The following BANP variants were observed in gnomAD, a reference collection of about 807,000 sequenced individuals.
BANP encodes the protein BTG3 associated nuclear protein, also known as protein BANP.
BANP carries 11 observed loss-of-function variants against 68.1 expected under a neutral mutation model. The ratio of observed to expected loss-of-function variants is 0.16; its 90% CI spans 0.10 to 0.27. The LOEUF (loss-of-function observed/expected upper bound fraction) is 0.27, where lower values mean the gene tolerates loss of function less well. BANP is among the 10% of genes least tolerant of loss of function. The probability of loss-of-function intolerance (pLI) is 1.00; values close to 1 mark genes in which losing one functional copy is unlikely to be tolerated. For synonymous variants in BANP, 329 were observed against 303.2 expected (o/e 1.09, Z -0.88); for missense variants, 504 against 722.7 (o/e 0.70, Z 3.47).
chr16:87,988,071 T>C (rs1386785929), intron 4 of BANP, among the ~76,000 whole-genome samples: 3 of 152,104 alleles, frequency 2.0e-5, no homozygotes, highest in Non-Finnish European at 2.9e-5. Flanking sequence ...AAATAACAGA[T>C]AAGAACATAA....
rs754411970 is a variant in BANP at position 88,072,176 on chromosome 16, G to C, written c.1485G>C (p.Gln495His). 6.2e-7 allele frequency: 1 copy of C among 1,611,344 alleles called. No individual in the cohort carries two copies. Among genetic ancestry groups the C allele is most frequent in the Non-Finnish European group, 8.5e-7 (1 of 1,179,688 alleles). The change falls in exon 13 of 14, where the codon CAG (glutamine) becomes CAC (histidine). Residue 495 changes from glutamine to histidine, a missense_variant. This residue lies in a region of BANP where 223 missense variants were observed against 246.2 expected (regional missense o/e 0.91). Coordinates refer to ENST00000682872, the MANE Select transcript of BANP (RefSeq NM_001386991.1). ...QGSDIQVQYV[Q>H]LAPVSDHTAG... ...GCGACATCCAGGTTCAGTACGTGCA[G>C]CTGGCGCCAGTGAGTGACCACACGG...
rs7198461 is a variant in BANP, at chr16:87,994,107, G to A, written c.362+9848G>A. On this transcript the variant is annotated intron_variant, in intron 4 of 13. Coordinates refer to ENST00000682872, the MANE Select transcript of BANP (RefSeq NM_001386991.1). The stretch of plus-strand genomic sequence containing the variant: ...TGGAGACCAGGATGCGGAGCGCGGC[G>A]GTGTGCTGCGGTGCACTGTGTCCTC... Among the ~76,000 whole-genome samples, 19 of 152,260 alleles carry A rather than the reference G, an allele frequency of 1.2e-4. No individual in the cohort carries two copies. In the East Asian group the frequency reaches 1.7e-3, roughly 14 times the overall value.
At chr16:87,987,588 A>G (rs12922853) in intron 4 of BANP, among the ~76,000 whole-genome samples, 3 of 151,602 alleles carry the variant, frequency 2.0e-5, no homozygotes, top group Non-Finnish European at 4.4e-5. Flanking sequence ...TTAGCTGGGC[A>G]CAGTGGCACC....
chr16:88,065,049 G>A (rs570539665), intron 11 of BANP, among the ~76,000 whole-genome samples: 1 of 152,218 alleles, frequency 6.6e-6, no homozygotes, highest in Non-Finnish European at 1.5e-5. Flanking sequence ...CAGGCCTTTT[G>A]TTTCTGTTGT....
intron 6 of BANP, among the ~76,000 whole-genome samples, chr16:88,011,167 G>A (rs1051241021): frequency 6.6e-6 from 1 of 152,168 alleles, no homozygotes; most frequent in African/African-American, 2.4e-5. Flanking sequence ...GCGTCTCAGC[G>A]GCTTGCGTTG....
At chr16:88,001,569 G>A (rs550954177) in intron 4 of BANP, among the ~76,000 whole-genome samples, 11 of 152,280 alleles carry the variant, frequency 7.2e-5, no homozygotes, top group Non-Finnish European at 1.0e-4. Flanking sequence ...GATTTAAATC[G>A]CGTTAGTTGA....
chr16:87,975,743 G>A (rs185039747), intron 2 of BANP, among the ~76,000 whole-genome samples: 6 of 150,144 alleles, frequency 4.0e-5, no homozygotes, highest in Admixed American at 4.0e-4. Flanking sequence ...CCCATGTTGT[G>A]TGTGTAATCC....
At chr16:88,019,404 G>C (rs2075363537) in intron 7 of BANP, among the ~76,000 whole-genome samples, 1 of 152,030 alleles carries the variant, frequency 6.6e-6, no homozygotes. Context: ...CCCCTGGCGG[G>C]AGGGTGTGGG....
At chr16:88,046,788 C>T (rs2082115191) in intron 11 of BANP, among the ~76,000 whole-genome samples, 2 of 151,960 alleles carry the variant, frequency 1.3e-5, no homozygotes, top group South Asian at 2.1e-4. Flanking sequence ...TCATGTTGGC[C>T]GGGCACGGTG....
chr16:88,017,793 CCTCA>C (rs766884096), intron 6 of BANP, among the ~76,000 whole-genome samples: 1 of 152,250 alleles, frequency 6.6e-6, no homozygotes, highest in African/African-American at 2.4e-5. Context: ...CTTGCTGTGG[CCTCA>C]CTGACAGTGC....
upstream of BANP, among the ~76,000 whole-genome samples, chr16:87,950,161 G>A (rs1489647971): frequency 6.6e-6 from 1 of 152,232 alleles, no homozygotes; most frequent in East Asian, 1.9e-4. Flanking sequence ...ACAGGCGTGA[G>A]CCGCCGCGCC....
chr16:88,076,081 G>A (rs867389877), intron 13 of BANP, among the ~76,000 whole-genome samples: 2 of 152,174 alleles, frequency 1.3e-5, no homozygotes, highest in African/African-American at 2.4e-5. Flanking sequence ...CTGTGATTTC[G>A]TACTTGAAGT....
At chr16:87,976,249 A>G (rs930718475) in intron 2 of BANP, among the ~76,000 whole-genome samples, 2 of 152,328 alleles carry the variant, frequency 1.3e-5, no homozygotes, top group East Asian at 1.9e-4. Flanking sequence ...GGTTTTCTAG[A>G]AATGTTTTAC....
chr16:88,070,364 A>G (rs969657676), intron 12 of BANP, among the ~76,000 whole-genome samples: 9 of 152,156 alleles, frequency 5.9e-5, no homozygotes, highest in African/African-American at 1.9e-4. Flanking sequence ...GGGCCTCTGC[A>G]GTAGGGGCCG....
intron 9 of BANP, among the ~76,000 whole-genome samples, chr16:88,034,891 A>G (rs375561482): frequency 6.6e-6 from 1 of 152,162 alleles, no homozygotes; most frequent in African/African-American, 2.4e-5. Context: ...TTAGATGAGA[A>G]ACTCCAGAAA....
chr16:88,072,218 T>A lies in BANP; in HGVS notation c.1521+6T>A, dbSNP rs917527464. ...ACCACACGGCCGGGGCACAGGTGAG[T>A]CTGGGGCCCCGCGCCGGGACACTGA... On this transcript the variant is annotated splice_donor_region_variant and intron_variant, in intron 13 of 13. Coordinates refer to ENST00000682872, the MANE Select transcript of BANP (RefSeq NM_001386991.1). 6.2e-7 allele frequency: 1 copy of A among 1,605,538 alleles called. No individual in the cohort carries two copies. The highest frequency in any genetic ancestry group is 1.3e-5 in the African/African-American group (1 of 74,678).
intron 6 of BANP, among the ~76,000 whole-genome samples, chr16:88,011,418 G>C (rs1272838692): frequency 1.3e-5 from 2 of 152,196 alleles, no homozygotes; most frequent in African/African-American, 2.4e-5. Context: ...TTGGACTCAG[G>C]TTCTCTGCGT....
chr16:88,005,386 A>G (rs908718551), intron 5 of BANP, among the ~76,000 whole-genome samples: 1 of 152,160 alleles, frequency 6.6e-6, no homozygotes, highest in African/African-American at 2.4e-5. Context: ...TTGCATATAG[A>G]GAAATTGTGC....
Position 88,057,760 on chromosome 16 carries a change from G to C in BANP, c.1312-7507G>C, listed in dbSNP as rs1271579542. Among the ~76,000 whole-genome samples the C allele has an allele frequency of 6.8e-6, 1 of 146,486 alleles. No homozygotes were observed. Among genetic ancestry groups the C allele is most frequent in the African/African-American group, 2.5e-5 (1 of 39,548 alleles). On this transcript the variant is annotated intron_variant, in intron 11 of 13. Transcript: ENST00000682872. The surrounding 1 kb of genome is among the most constrained non-coding windows in gnomAD (Gnocchi z 4.6). Reference sequence around the variant, plus strand: ...CGGGGCCATCTGGGTGGGGCGGGGGGGGGGGTGCGTGCAGTGACTCGCGCT... The same window carrying C: ...CGGGGCCATCTGGGTGGGGCGGGGGCGGGGGTGCGTGCAGTGACTCGCGCT...
Sources: gnomAD v4.1 joint callset for allele counts (sites outside exome capture counted in the v4.1 genomes callset) on GRCh38, gnomAD v4.1.1 for gene constraint, gnomAD v4.1.1 regional missense constraint, Gnocchi (gnomAD v3.1) non-coding constraint, MANE v1.5 for transcripts, NCBI Gene and HGNC (gene_info 2026-07-23, HGNC 2026-07-21) for gene names.